GMCL1: variants seen among roughly 807,000 people sequenced by gnomAD.
The protein encoded by GMCL1 is germ cell-less protein-like 1.
A neutral mutation model predicts 75.5 loss-of-function variants in GMCL1; 54 were observed. The observed-to-expected ratio is 0.71, with a 90% CI of 0.57 to 0.90. The LOEUF is 0.90. Ranked by LOEUF, GMCL1 falls within the 40% of genes least tolerant of loss-of-function variation. GMCL1 has a pLI of 0.00. For synonymous variants in GMCL1, 210 were observed against 209.6 expected (o/e 1.00, Z -0.02); for missense variants, 537 against 622.7 (o/e 0.86, Z 1.47).
rs1407481512 is a variant in GMCL1 at position 69,880,621 on chromosome 2, C to G, written c.*1617C>G. 2.0e-5 allele frequency: 3 copies of G among 152,218 alleles called. No homozygotes were observed. The highest frequency in any genetic ancestry group is 2.9e-5 in the Non-Finnish European group (2 of 68,100). The allele number at this position is 152,218 out of a possible 1,614,324, so 9.4% of individuals were successfully genotyped here. ...CTTTGGGAGGCCGAGGCAGGCAGATCATCTGAGGTCAGGAGTTTAAGATCA... is the reference window on the plus strand; with the variant it reads ...CTTTGGGAGGCCGAGGCAGGCAGATGATCTGAGGTCAGGAGTTTAAGATCA... On this transcript the variant is annotated 3_prime_UTR_variant, in exon 14 of 14. Coordinates refer to ENST00000282570, the MANE Select transcript of GMCL1 (RefSeq NM_178439.5).
intron 6 of GMCL1, 107 bp from the exon 7 acceptor site, chr2:69,847,436 T>A (rs1675186459): frequency 2.6e-6 from 2 of 764,652 alleles, no homozygotes; most frequent in Non-Finnish European, 4.6e-6. Flanking sequence ...CTGTCATTTT[T>A]AATTCCACAT....
chr2:69,875,151 G>A (rs1676093561), intron 13 of GMCL1, among the ~76,000 whole-genome samples: 1 of 151,832 alleles, frequency 6.6e-6, no homozygotes, highest in South Asian at 2.1e-4. Flanking sequence ...ATCTTACTAG[G>A]ATTATATAAA....
chr2:69,869,736 AG>A lies in GMCL1; in HGVS notation c.1238del (p.Gly413ValfsTer10). On this transcript the variant is annotated frameshift_variant, in exon 12 of 14. Coordinates refer to ENST00000282570, the MANE Select transcript of GMCL1 (RefSeq NM_178439.5). LOFTEE classifies it high-confidence loss of function. ...TTTTTTAGTACTGCTGGCGTTGGACAGGTTTTAACTTCGGCTTCGACCTACT... is the reference window on the plus strand; with the variant it reads ...TTTTTTAGTACTGCTGGCGTTGGACAGTTTTAACTTCGGCTTCGACCTACT... ...KDGEYCWRWTGFNFGFDLLVT... is the reference protein window; with the variant it reads ...KDGEYCWRWTXFNFGFDLLVT... The A allele has an allele frequency of 6.2e-7, 1 of 1,614,000 alleles. No homozygotes were observed. Among genetic ancestry groups the A allele is most frequent in the Non-Finnish European group, 8.5e-7 (1 of 1,179,954 alleles).
chr2:69,868,542 ATT>A (rs1675884655), intron 11 of GMCL1, among the ~76,000 whole-genome samples: 1 of 151,604 alleles, frequency 6.6e-6, no homozygotes. Flanking sequence ...GAGTTAGAGT[ATT>A]TTATTTTTAT....
At position 69,829,708 on chromosome 2, in the gene GMCL1, G is replaced by C; in HGVS notation, c.-185G>C. 1 of 658,184 alleles carries C rather than the reference G, an allele frequency of 1.5e-6. No homozygotes were observed. The highest frequency in any genetic ancestry group is 2.5e-6 in the Non-Finnish European group (1 of 403,400). The allele number at this position is 658,184 out of a possible 1,614,324, so 40.8% of individuals were successfully genotyped here. On this transcript the variant is annotated 5_prime_UTR_variant, in exon 1 of 14. Transcript: ENST00000282570. Reference sequence around the variant, plus strand: ...CGAGGTGCTGCGGTGCTAGAGCGCGGCGCGACCGGACGCTGCGGGCGGGGA... The same window carrying C: ...CGAGGTGCTGCGGTGCTAGAGCGCGCCGCGACCGGACGCTGCGGGCGGGGA...
At chr2:69,865,953 T>A (rs988059152) in intron 11 of GMCL1, among the ~76,000 whole-genome samples, 28 of 151,928 alleles carry the variant, frequency 1.8e-4, no homozygotes, top group Non-Finnish European at 3.1e-4. Flanking sequence ...AATATTTTTT[T>A]AAAAAAACTG....
chr2:69,866,533 A>G (rs553904289), intron 11 of GMCL1, among the ~76,000 whole-genome samples: 13 of 152,298 alleles, frequency 8.5e-5, no homozygotes, highest in Admixed American at 3.9e-4. Flanking sequence ...CAGTGGCACA[A>G]TCATCGCTCA....
chr2:69,830,582 C>G (rs1362950026), intron 1 of GMCL1, among the ~76,000 whole-genome samples: 1 of 152,160 alleles, frequency 6.6e-6, no homozygotes, highest in Non-Finnish European at 1.5e-5. Flanking sequence ...TTGTCGCCCA[C>G]TCAGTGGAGG....
chr2:69,859,025 A>T (rs962419445), intron 9 of GMCL1, among the ~76,000 whole-genome samples: 6 of 151,912 alleles, frequency 3.9e-5, no homozygotes, highest in Non-Finnish European at 7.4e-5. Context: ...ACATGCCTGT[A>T]ATCCCAGCTA....
chr2:69,874,128 A>G (rs1317314365), intron 13 of GMCL1, among the ~76,000 whole-genome samples: 1 of 152,058 alleles, frequency 6.6e-6, no homozygotes, highest in Non-Finnish European at 1.5e-5. Flanking sequence ...AAATATACAT[A>G]TATCTTTGTC....
In GMCL1 at chr2:69,881,055, T is replaced by A. The variant is rs1488052509; in HGVS notation, c.*2051T>A. 6.6e-6 allele frequency: 1 copy of A among 152,206 alleles called. No individual in the cohort carries two copies. The highest frequency in any genetic ancestry group is 1.5e-5 in the Non-Finnish European group (1 of 68,034). The allele number at this position is 152,206 out of a possible 1,614,324, so 9.4% of individuals were successfully genotyped here. A position where few individuals can be genotyped will look rare whatever the true frequency, so the allele number is the denominator to read the frequency against. On this transcript the variant is annotated 3_prime_UTR_variant, in exon 14 of 14. Coordinates refer to ENST00000282570, the MANE Select transcript of GMCL1 (RefSeq NM_178439.5). ...GCAGATCTTGGAAGTAAAGATAATG[T>A]TTTGATCATATTAATGAATAAAGTT...
intron 9 of GMCL1, 33 bp from the exon 10 acceptor site, chr2:69,861,245 A>ATTT: frequency 7.2e-7 from 1 of 1,382,206 alleles, no homozygotes; most frequent in Non-Finnish European, 1.0e-6. Flanking sequence ...TTCAGTCGTT[A>ATTT]TTTATTATTA....
chr2:69,867,105 T>C (rs966283270), intron 11 of GMCL1, among the ~76,000 whole-genome samples: 16 of 151,734 alleles, frequency 1.1e-4, no homozygotes, highest in African/African-American at 3.9e-4. Flanking sequence ...CCACCACGCC[T>C]GGCTAATTTT....
chr2:69,869,940 C>A (rs1320294793), intron 12 of GMCL1, 76 bp downstream of exon 12: 13 of 1,439,136 alleles, frequency 9.0e-6, no homozygotes, highest in East Asian at 2.3e-5. Context: ...ATAATTTACA[C>A]CAACATTAGT....
intron 2 of GMCL1, among the ~76,000 whole-genome samples, chr2:69,838,336 CA>C (rs71397366): frequency 0.011 from 347 of 31,466 alleles, 1 homozygote; most frequent in African/African-American, 0.022. Flanking sequence ...GACTCTGTCT[CA>C]AAAAAAAAAA....
rs555742116 is a variant in GMCL1, at chr2:69,866,712, G to C, written c.1218+1737G>C. Among the ~76,000 whole-genome samples the C allele has an allele frequency of 7.9e-5, 12 of 151,998 alleles. No homozygotes were observed. In the South Asian group the frequency reaches 8.3e-4, roughly 11 times the overall value. On this transcript the variant is annotated intron_variant, in intron 11 of 13. Coordinates refer to ENST00000282570, the MANE Select transcript of GMCL1 (RefSeq NM_178439.5). ...ATTAGTGGGCTCAAGAGATCTTCCTGCCTTAGCCTCCCAAAGTGCTAGAAT... is the reference window on the plus strand; with the variant it reads ...ATTAGTGGGCTCAAGAGATCTTCCTCCCTTAGCCTCCCAAAGTGCTAGAAT...
chr2:69,878,795 A>C lies in GMCL1; in HGVS notation c.1453-114A>C, dbSNP rs921413317. ...TAATGGGTGGGAGTTTGGAGAGTGG[A>C]GTTGTGGATCTCAGACTCAGGACAC... On this transcript the variant is annotated intron_variant, in intron 13 of 13. Transcript: ENST00000282570. 5.3e-6 allele frequency: 4 copies of C among 750,616 alleles called. No homozygotes were observed. The African/African-American group carries it at 7.1e-5, about 13-fold the overall frequency. The allele number at this position is 750,616 out of a possible 1,614,324, so 46.5% of individuals were successfully genotyped here.
chr2:69,859,996 A>G (rs541127722), intron 9 of GMCL1, among the ~76,000 whole-genome samples: 2 of 152,102 alleles, frequency 1.3e-5, no homozygotes, highest in East Asian at 1.9e-4. Context: ...AGCCAATTCT[A>G]TTTGTATTTA....
intron 4 of GMCL1, chr2:69,842,694 C>G (rs1193988666): frequency 6.6e-6 from 1 of 152,124 alleles, no homozygotes; most frequent in Non-Finnish European, 1.5e-5. Flanking sequence ...AAGTCTATCT[C>G]TTAGATATTG....
Sources: gnomAD v4.1 joint callset for allele counts (sites outside exome capture counted in the v4.1 genomes callset) on GRCh38, gnomAD v4.1.1 for gene constraint, MANE v1.5 for transcripts, NCBI Gene and HGNC (gene_info 2026-07-23, HGNC 2026-07-21) for gene names.